ANK3: variants seen among roughly 807,000 people sequenced by gnomAD.
ANK3 encodes the protein ankyrin 3.
In ANK3, 57 loss-of-function variants were observed where a neutral mutation model predicts 370.9. That is an observed-to-expected ratio of 0.15 (90% confidence interval 0.12 to 0.19). ANK3 has a LOEUF of 0.19. ANK3 is among the 10% of genes least tolerant of loss of function. ANK3 has a pLI of 1.00. For synonymous variants in ANK3, 1,929 were observed against 1,946.3 expected, an observed-to-expected ratio of 0.99 and a Z score of 0.23; for missense variants, 4,439 against 5,302.1, an observed-to-expected ratio of 0.84 and a Z score of 5.06.
intron 42 of ANK3, among the ~76,000 whole-genome samples, chr10:60,047,189 A>T (rs2077115534): frequency 6.6e-6 from 1 of 152,136 alleles, no homozygotes; most frequent in Non-Finnish European, 1.5e-5. Context: ...TGACAACATC[A>T]TTTCTGGCAA....
At chr10:60,146,545 G>A (rs2094833653) in intron 23 of ANK3, among the ~76,000 whole-genome samples, 1 of 152,136 alleles carries the variant, frequency 6.6e-6, no homozygotes, top group African/African-American at 2.4e-5. Flanking sequence ...CTGGAGTGCA[G>A]TAGCATAATC....
At chr10:60,085,340 T>C (rs2086390206) in intron 30 of ANK3, 87 bp from the exon 31 acceptor site, 3 of 1,033,118 alleles carry the variant, frequency 2.9e-6, no homozygotes, top group Non-Finnish European at 4.3e-6. Flanking sequence ...TCTTTCTGCA[T>C]AGCCACAAAC....
At chr10:60,175,935 A>T (rs765305346) in intron 18 of ANK3, among the ~76,000 whole-genome samples, 2 of 152,184 alleles carry the variant, frequency 1.3e-5, no homozygotes, top group Non-Finnish European at 1.5e-5. Context: ...ACAGTGTCTG[A>T]CACATAGGGT....
intron 1 of ANK3, 120 bp downstream of exon 1, chr10:60,389,305 C>T (rs779417612): frequency 1.2e-5 from 11 of 929,158 alleles, no homozygotes; most frequent in Non-Finnish European, 1.8e-5. Flanking sequence ...CCAATTTACA[C>T]ACCCAATTTA....
At chr10:60,649,702 C>T (rs545231734) in intron 1 of ANK3, among the ~76,000 whole-genome samples, 1 of 152,306 alleles carries the variant, frequency 6.6e-6, no homozygotes, top group Admixed American at 6.5e-5. Context: ...CTTTTAGCCA[C>T]CTCACTACAG....
intron 8 of ANK3, among the ~76,000 whole-genome samples, chr10:60,234,264 T>C (rs574217028): frequency 1.3e-5 from 2 of 152,326 alleles, no homozygotes; most frequent in South Asian, 2.1e-4. Flanking sequence ...TGCTGGATCA[T>C]ATGTTAGCTC....
chr10:60,369,074 T>A (rs1566887257), intron 1 of ANK3, among the ~76,000 whole-genome samples: 1 of 151,934 alleles, frequency 6.6e-6, no homozygotes, highest in Non-Finnish European at 1.5e-5. Flanking sequence ...TGCATTTGAC[T>A]GTATCTAAAT....
At chr10:60,340,305 C>T (rs530478999) in intron 1 of ANK3, among the ~76,000 whole-genome samples, 1 of 152,300 alleles carries the variant, frequency 6.6e-6, no homozygotes, top group Non-Finnish European at 1.5e-5. Flanking sequence ...GTGATTATAG[C>T]TCATTGCATC....
intron 1 of ANK3, among the ~76,000 whole-genome samples, chr10:60,323,612 T>C (rs1302052920): frequency 2.6e-5 from 4 of 152,138 alleles, no homozygotes; most frequent in African/African-American, 9.7e-5. Flanking sequence ...GTTATCAATA[T>C]ATTGCCAGGT....
At chr10:60,464,382 A>G (rs2064962557) in intron 2 of ANK3, among the ~76,000 whole-genome samples, 1 of 145,006 alleles carries the variant, frequency 6.9e-6, no homozygotes, top group South Asian at 2.1e-4. Context: ...TTTTCTGAAA[A>G]CAAGATAATA....
intron 8 of ANK3, among the ~76,000 whole-genome samples, chr10:60,220,845 T>A (rs2097038739): frequency 6.6e-6 from 1 of 152,178 alleles, no homozygotes; most frequent in African/African-American, 2.4e-5. Flanking sequence ...ATAAATCTAT[T>A]CAAATATCTT....
chr10:60,095,181 C>A (rs1428815310), intron 28 of ANK3, among the ~76,000 whole-genome samples: 2 of 152,144 alleles, frequency 1.3e-5, no homozygotes. Flanking sequence ...GCAAGGTAGC[C>A]ATAGTTAAAC....
intron 2 of ANK3, among the ~76,000 whole-genome samples, chr10:60,442,556 G>T (rs1488784977): frequency 6.6e-6 from 1 of 152,042 alleles, no homozygotes; most frequent in East Asian, 1.9e-4. Context: ...TCAATCTATG[G>T]TTGGTAGAAT....
At chr10:60,173,899 TC>T (rs1162668580) in intron 18 of ANK3, among the ~76,000 whole-genome samples, 7 of 152,184 alleles carry the variant, frequency 4.6e-5, no homozygotes, top group Non-Finnish European at 7.3e-5. Flanking sequence ...GTGTATACAA[TC>T]TAGATAATTA....
chr10:60,489,219 T>A (rs767435865), intron 2 of ANK3, among the ~76,000 whole-genome samples: 1 of 152,154 alleles, frequency 6.6e-6, no homozygotes, highest in African/African-American at 2.4e-5. Flanking sequence ...GCTTCTCCAA[T>A]GCACAGTGAA....
chr10:60,084,049 AGAC>A, intron 32 of ANK3: 1 of 155,376 alleles, frequency 6.4e-6, no homozygotes, highest in Non-Finnish European at 1.4e-5. Flanking sequence ...AGGAAAATGG[AGAC>A]CATAACTTAA....
chr10:60,602,566 T>C (rs1164982235), intron 2 of ANK3, among the ~76,000 whole-genome samples: 1 of 152,140 alleles, frequency 6.6e-6, no homozygotes, highest in African/African-American at 2.4e-5. Flanking sequence ...TTTTAGATTT[T>C]ATGTCAATGG....
chr10:60,348,845 C>T (rs368030773), intron 1 of ANK3, among the ~76,000 whole-genome samples: 3 of 152,178 alleles, frequency 2.0e-5, no homozygotes, highest in African/African-American at 4.8e-5. Context: ...AAATGATATG[C>T]GCATGATAAG....
At chr10:60,131,186 G>A (rs1211563145) in intron 25 of ANK3, among the ~76,000 whole-genome samples, 1 of 152,136 alleles carries the variant, frequency 6.6e-6, no homozygotes, top group African/African-American at 2.4e-5. Context: ...AATGATCAAT[G>A]ATTTCCTACA....
Sources: allele counts gnomAD v4.1 joint callset (sites outside exome capture counted in the v4.1 genomes callset), GRCh38; gene constraint gnomAD v4.1.1; transcripts MANE v1.5; gene names NCBI Gene and HGNC (gene_info 2026-07-23, HGNC 2026-07-21).